Variants in ATE1 observed in about 807,000 individuals in gnomAD.
The protein encoded by ATE1 is arginyltransferase 1, also known as arginyl-tRNA--protein transferase 1.
In ATE1, 36 loss-of-function variants were observed where a neutral mutation model predicts 70.5. That is an observed-to-expected ratio of 0.51 (90% CI 0.39 to 0.67). The LOEUF (loss-of-function observed/expected upper bound fraction) is 0.67, where lower values mean the gene tolerates loss of function less well. Ranked by LOEUF, ATE1 falls within the 30% of genes least tolerant of loss-of-function variation. The pLI is 0.00. For synonymous variants in ATE1, 232 were observed against 219.3 expected (o/e 1.06, Z -0.51); for missense variants, 593 against 629.5 (o/e 0.94, Z 0.62).
chr10:121,857,436 AT>A (rs1341777333), intron 8 of ATE1, among the ~76,000 whole-genome samples: 6 of 152,188 alleles, frequency 3.9e-5, no homozygotes, highest in African/African-American at 1.2e-4. Context: ...AAGAGACATC[AT>A]TTTGTTCTTT....
chr10:121,799,660 A>T (rs749240508), intron 10 of ATE1, among the ~76,000 whole-genome samples: 8 of 152,236 alleles, frequency 5.3e-5, no homozygotes, highest in Non-Finnish European at 1.0e-4. Context: ...ACGTTAGATT[A>T]GTTATAAAGA....
At chr10:121,896,454 T>C (rs1190295874) in intron 7 of ATE1, among the ~76,000 whole-genome samples, 3 of 152,146 alleles carry the variant, frequency 2.0e-5, no homozygotes, top group Non-Finnish European at 4.4e-5. Context: ...TATGTCGCAG[T>C]TTAAGTATTT....
intron 11 of ATE1, among the ~76,000 whole-genome samples, chr10:121,784,772 T>C (rs1181674372): frequency 6.6e-6 from 1 of 152,108 alleles, no homozygotes; most frequent in East Asian, 1.9e-4. Context: ...GGCAGGAGTA[T>C]TGCTGGAATC....
At chr10:121,813,416 GAC>G (rs2133497234) in intron 10 of ATE1, among the ~76,000 whole-genome samples, 1 of 152,306 alleles carries the variant, frequency 6.6e-6, no homozygotes, top group East Asian at 1.9e-4. Flanking sequence ...CAGGGAAAGG[GAC>G]ACAGAGCCAT....
At chr10:121,899,770 T>A (rs1415777508) in intron 7 of ATE1, 96 bp downstream of exon 7, 2 of 1,495,042 alleles carry the variant, frequency 1.3e-6, no homozygotes, top group Non-Finnish European at 1.8e-6. Flanking sequence ...TGAACACAAA[T>A]AAAATGTAGC....
At chr10:121,905,270 A>G (rs1951144803) in intron 5 of ATE1, among the ~76,000 whole-genome samples, 2 of 152,238 alleles carry the variant, frequency 1.3e-5, no homozygotes, top group African/African-American at 4.8e-5. Context: ...TATTTGTATT[A>G]CCAACATCTA....
At chr10:121,909,672 A>C (rs771473493) in intron 5 of ATE1, among the ~76,000 whole-genome samples, 1 of 152,190 alleles carries the variant, frequency 6.6e-6, no homozygotes, top group Non-Finnish European at 1.5e-5. Context: ...ACTATAAGTA[A>C]TTTTATTAAA....
In ATE1 at chr10:121,741,768, T is replaced by A. The variant is rs187007348; in HGVS notation, c.*1912A>T. The A allele has an allele frequency of 6.6e-6, 1 of 152,352 alleles. No individual in the cohort carries two copies. Among genetic ancestry groups the A allele is most frequent in the East Asian group, 1.9e-4 (1 of 5,190 alleles). The allele number at this position is 152,352 out of a possible 1,614,324, so 9.4% of individuals were successfully genotyped here. A position where few individuals can be genotyped will look rare whatever the true frequency, so the allele number is the denominator to read the frequency against. ...TCACATTTCAGACATGTCCATAATTTACTGTTGAGGAAATAAAACAGCATG... is the reference window on the plus strand; with the variant it reads ...TCACATTTCAGACATGTCCATAATTAACTGTTGAGGAAATAAAACAGCATG... On this transcript the variant is annotated 3_prime_UTR_variant, in exon 12 of 12. Transcript: ENST00000224652.
chr10:121,777,585 T>A (rs774641482), intron 11 of ATE1, among the ~76,000 whole-genome samples: 4 of 152,212 alleles, frequency 2.6e-5, no homozygotes, highest in Non-Finnish European at 4.4e-5. Context: ...GGGGGACACC[T>A]GGTCATGTAC....
chr10:121,807,230 C>T (rs1303512666), intron 10 of ATE1, among the ~76,000 whole-genome samples: 1 of 152,176 alleles, frequency 6.6e-6, no homozygotes, highest in Non-Finnish European at 1.5e-5. Context: ...AGAGTTATTT[C>T]CTGACTGAAA....
chr10:121,888,761 A>G (rs755915439), intron 7 of ATE1, among the ~76,000 whole-genome samples: 3 of 152,216 alleles, frequency 2.0e-5, no homozygotes, highest in African/African-American at 7.2e-5. Flanking sequence ...AAAGGGATAA[A>G]TTCTGGATAG....
At chr10:121,872,083 GGTTCTACGCTTTTCCCCAAAA>G (rs1019063435) in intron 7 of ATE1, among the ~76,000 whole-genome samples, 1 of 152,008 alleles carries the variant, frequency 6.6e-6, no homozygotes, top group African/African-American at 2.4e-5. Flanking sequence ...GATTCTGAAG[GGTTCTACGCTTTTCCCCAAAA>G]GTGAATGTTA....
chr10:121,896,158 A>G (rs910825982), intron 7 of ATE1, among the ~76,000 whole-genome samples: 1 of 152,168 alleles, frequency 6.6e-6, no homozygotes, highest in African/African-American at 2.4e-5. Context: ...TTTCCTGTGA[A>G]CTGGTCAGTA....
Position 121,795,870 on chromosome 10 carries a change from G to C in ATE1, c.1258-5581C>G, listed in dbSNP as rs1182820384. ...TAGTATAAGAAAATGAGAAATGTTT[G>C]TATGAAGAATGTAATTACTTAAGGA... On this transcript the variant is annotated intron_variant, in intron 10 of 11. Transcript: ENST00000224652. Among the ~76,000 whole-genome samples, 4 of 152,276 alleles carry C rather than the reference G, an allele frequency of 2.6e-5. No individual in the cohort carries two copies. The East Asian group carries it at 7.7e-4, about 29-fold the overall frequency.
Position 121,928,020 on chromosome 10 carries a change from A to G in ATE1, c.-71T>C, listed in dbSNP as rs1232446111. On this transcript the variant is annotated 5_prime_UTR_variant, in exon 1 of 12. Coordinates refer to ENST00000224652, the MANE Select transcript of ATE1 (RefSeq NM_001001976.3). ...GCGCGGCCGCCGCCGCCACCCCACAATGCAGCGCGCCGCCCGGGAGCCTCC... is the reference window on the plus strand; with the variant it reads ...GCGCGGCCGCCGCCGCCACCCCACAGTGCAGCGCGCCGCCCGGGAGCCTCC... The G allele has an allele frequency of 1.6e-6, 2 of 1,265,940 alleles. No individual in the cohort carries two copies. The highest frequency in any genetic ancestry group is 1.6e-5 in the African/African-American group (1 of 62,312). The allele number at this position is 1,265,940 out of a possible 1,614,324, so 78.4% of individuals were successfully genotyped here.
At chr10:121,779,851 G>C (rs1258336623) in intron 11 of ATE1, among the ~76,000 whole-genome samples, 1 of 152,194 alleles carries the variant, frequency 6.6e-6, no homozygotes, top group Non-Finnish European at 1.5e-5. Flanking sequence ...ATTGTTAAAT[G>C]ATGTTTCTCA....
intron 8 of ATE1, among the ~76,000 whole-genome samples, chr10:121,843,744 C>A: frequency 6.6e-6 from 1 of 150,834 alleles, no homozygotes. Flanking sequence ...AAAAAGGAAT[C>A]CAGACACACA....
chr10:121,862,226 C>A (rs997533818), intron 8 of ATE1, among the ~76,000 whole-genome samples: 6 of 152,166 alleles, frequency 3.9e-5, no homozygotes, highest in African/African-American at 1.4e-4. Flanking sequence ...CCACCTCATC[C>A]CTTTACTGCT....
At chr10:121,861,989 T>C (rs1949490369) in intron 8 of ATE1, among the ~76,000 whole-genome samples, 1 of 152,136 alleles carries the variant, frequency 6.6e-6, no homozygotes, top group African/African-American at 2.4e-5. Flanking sequence ...CCCCGAGTAG[T>C]TACCTCTCTG....
Sources: allele counts gnomAD v4.1 joint callset (sites outside exome capture counted in the v4.1 genomes callset), GRCh38; gene constraint gnomAD v4.1.1; transcripts MANE v1.5; gene names NCBI Gene and HGNC (gene_info 2026-07-23, HGNC 2026-07-21).